SCHIP1: variants seen among roughly 807,000 people sequenced by gnomAD.
SCHIP1 encodes schwannomin interacting protein 1, also known as schwannomin-interacting protein 1.
Under a neutral mutation model 29.7 loss-of-function variants are expected in SCHIP1, and 8 were observed. The observed-to-expected ratio is 0.27, with a 90% CI of 0.16 to 0.49. The LOEUF is 0.49. Among genes scored for constraint, SCHIP1 ranks in the 20% least tolerant of loss-of-function variants. The pLI, the probability that SCHIP1 is intolerant of heterozygous loss-of-function variation, is 0.99. For synonymous variants in SCHIP1, 76 were observed against 94.9 expected, an observed-to-expected ratio of 0.80 and a Z score of 1.16; for missense variants, 193 against 294.6, an observed-to-expected ratio of 0.66 and a Z score of 2.52.
the SCHIP1 span, among the ~76,000 whole-genome samples, chr3:159,307,301 T>A: frequency 6.6e-6 from 1 of 152,196 alleles, no homozygotes; most frequent in African/African-American, 2.4e-5. Context: ...TCATGCCACC[T>A]AGGGCAAGTT....
chr3:159,425,290 G>A, the SCHIP1 span, among the ~76,000 whole-genome samples: 1 of 152,000 alleles, frequency 6.6e-6, no homozygotes, highest in East Asian at 1.9e-4. Flanking sequence ...CTGTATTCAG[G>A]AAACCCATCT....
intron 1 of SCHIP1, among the ~76,000 whole-genome samples, chr3:159,860,685 C>G (rs941189669): frequency 6.6e-6 from 1 of 152,168 alleles, no homozygotes; most frequent in Non-Finnish European, 1.5e-5. Context: ...CAGGGAAGAA[C>G]AGAAAGACAG....
chr3:159,679,009 G>T, the SCHIP1 span, among the ~76,000 whole-genome samples: 1 of 152,330 alleles, frequency 6.6e-6, no homozygotes, highest in Non-Finnish European at 1.5e-5. Flanking sequence ...GGGACCCAGA[G>T]CCAAACCACA....
At chr3:159,445,483 T>A in the SCHIP1 span, among the ~76,000 whole-genome samples, 3 of 151,644 alleles carry the variant, frequency 2.0e-5, no homozygotes, top group African/African-American at 7.3e-5. Flanking sequence ...TCCTCAGGGA[T>A]CTAGAACTAG....
At chr3:159,406,865 A>C in the SCHIP1 span, among the ~76,000 whole-genome samples, 16 of 152,200 alleles carry the variant, frequency 1.1e-4, no homozygotes, top group Admixed American at 2.6e-4. Flanking sequence ...TACTCATGGT[A>C]ATCTCAAATC....
chr3:159,277,788 C>A, the SCHIP1 span, among the ~76,000 whole-genome samples: 1 of 151,900 alleles, frequency 6.6e-6, no homozygotes, highest in Non-Finnish European at 1.5e-5. Context: ...GGCATGGTGG[C>A]AGGTGCCTGT....
chr3:159,457,486 A>G, the SCHIP1 span, among the ~76,000 whole-genome samples: 628 of 152,036 alleles, frequency 4.1e-3, 2 homozygotes, highest in Middle Eastern at 0.014. Context: ...CTGAGCAGGT[A>G]TGAGTTGGAT....
At chr3:159,780,554 T>C in the SCHIP1 span, among the ~76,000 whole-genome samples, 3 of 152,314 alleles carry the variant, frequency 2.0e-5, no homozygotes, top group African/African-American at 7.2e-5. Flanking sequence ...CCCTATACTT[T>C]CCTCCAGTGG....
the SCHIP1 span, among the ~76,000 whole-genome samples, chr3:159,445,180 G>GA: frequency 6.6e-6 from 1 of 151,906 alleles, no homozygotes; most frequent in Admixed American, 6.6e-5. Context: ...AAATTTACAA[G>GA]AAAAAAACAA....
At chr3:159,715,616 A>C in the SCHIP1 span, among the ~76,000 whole-genome samples, 1 of 152,250 alleles carries the variant, frequency 6.6e-6, no homozygotes, top group Admixed American at 6.5e-5. Context: ...CACAAGCTTC[A>C]GTAGCCAATT....
the SCHIP1 span, among the ~76,000 whole-genome samples, chr3:159,726,465 T>C: frequency 6.6e-6 from 1 of 152,242 alleles, no homozygotes; most frequent in Non-Finnish European, 1.5e-5. Context: ...GGTTTAAGTC[T>C]TCTGTTCTGA....
the SCHIP1 span, among the ~76,000 whole-genome samples, chr3:159,435,591 C>T: frequency 1.3e-5 from 2 of 152,134 alleles, no homozygotes; most frequent in Non-Finnish European, 2.9e-5. Context: ...AAGAACTTTG[C>T]CTTTGGCGCC....
the SCHIP1 span, among the ~76,000 whole-genome samples, chr3:159,726,109 T>C: frequency 1.8e-4 from 27 of 152,356 alleles, no homozygotes; most frequent in African/African-American, 4.8e-4. Flanking sequence ...TTTTAGATTA[T>C]AACATAAAAC....
the SCHIP1 span, among the ~76,000 whole-genome samples, chr3:159,428,964 C>T: frequency 6.7e-6 from 1 of 149,130 alleles, no homozygotes; most frequent in Non-Finnish European, 1.5e-5. Flanking sequence ...CCAAACACCG[C>T]ATGTTCTCAC....
the SCHIP1 span, among the ~76,000 whole-genome samples, chr3:159,345,554 T>TCTCTCTCTCTCTCTCTCTCTC: frequency 1.2e-4 from 11 of 93,446 alleles, no homozygotes; most frequent in African/African-American, 3.5e-4. Context: ...GTGTCTCTCT[T>TCTCTCTCTCTCTCTCTCTCTC]TCTCTCTCTC....
the SCHIP1 span, among the ~76,000 whole-genome samples, chr3:159,504,602 A>G: frequency 2.2e-4 from 33 of 152,312 alleles, no homozygotes; most frequent in Non-Finnish European, 4.3e-4. Flanking sequence ...ATTTATACAT[A>G]CAAGTCTGAT....
chr3:159,273,518 C>T, the SCHIP1 span: 2 of 1,154,594 alleles, frequency 1.7e-6, no homozygotes, highest in South Asian at 5.8e-5. Context: ...GTAGCCTTGT[C>T]TTCTCTGTGT....
chr3:159,571,995 C>T, the SCHIP1 span, among the ~76,000 whole-genome samples: 26 of 151,972 alleles, frequency 1.7e-4, no homozygotes, highest in Middle Eastern at 3.4e-3. Context: ...TTTTTTATTG[C>T]GTCTATTTGA....
At chr3:159,694,540 GAA>G in the SCHIP1 span, among the ~76,000 whole-genome samples, 1 of 4,848 alleles carries the variant, frequency 2.1e-4, no homozygotes, top group African/African-American at 4.7e-4. Flanking sequence ...GAAAAGACAA[GAA>G]AGAAAGAAAG....
Sources: allele counts gnomAD v4.1 joint callset (sites outside exome capture counted in the v4.1 genomes callset), GRCh38; gene constraint gnomAD v4.1.1; transcripts MANE v1.5; gene names NCBI Gene and HGNC (gene_info 2026-07-23, HGNC 2026-07-21).